Variants in PROX1 observed in about 807,000 individuals in gnomAD.
PROX1 encodes the protein prospero homeobox 1.
A neutral mutation model predicts 58.8 loss-of-function variants in PROX1; 7 were observed. That is an observed-to-expected ratio of 0.12 (90% CI 0.07 to 0.22). PROX1 has a LOEUF of 0.22. Among genes scored for constraint, PROX1 ranks in the 10% least tolerant of loss-of-function variants. PROX1 has a pLI of 1.00. For synonymous variants in PROX1, 350 were observed against 358.3 expected, an observed-to-expected ratio of 0.98 and a Z score of 0.26; for missense variants, 675 against 927.8, an observed-to-expected ratio of 0.73 and a Z score of 3.54.
At chr1:214,019,356 A>G (rs74640849) in intron 4 of PROX1, among the ~76,000 whole-genome samples, 3,708 of 152,210 alleles carry the variant, frequency 0.024, 47 homozygotes, top group African/African-American at 0.036. Context: ...GTTCTGGGAA[A>G]TTTGTGCCCT....
In PROX1 at chr1:214,036,068, CAT is replaced by C. The variant is rs1354707869; in HGVS notation, c.*235_*236del. On this transcript the variant is annotated 3_prime_UTR_variant, in exon 5 of 5. Coordinates refer to ENST00000366958, the MANE Select transcript of PROX1 (RefSeq NM_001270616.2). ...GTTTGCTTTTGCCCAAGGCCCTTAA[CAT>C]TTGGACACTTAAAATAGGGTTAATT... The C allele has an allele frequency of 5.9e-6, 2 of 339,530 alleles. No homozygotes were observed. Among genetic ancestry groups the C allele is most frequent in the Non-Finnish European group, 1.1e-5 (2 of 188,818 alleles). 21.0% of individuals were successfully genotyped at this position (339,530 alleles called of 1,614,324 possible).
intron 4 of PROX1, among the ~76,000 whole-genome samples, chr1:214,015,155 T>A (rs1013658908): frequency 2.6e-4 from 39 of 152,160 alleles, no homozygotes; most frequent in Non-Finnish European, 4.1e-4. Context: ...CCAAGGGATG[T>A]GGAAGAAGAC....
At chr1:214,028,372 G>A (rs1664530333) in intron 4 of PROX1, among the ~76,000 whole-genome samples, 1 of 152,108 alleles carries the variant, frequency 6.6e-6, no homozygotes, top group African/African-American at 2.4e-5. Context: ...TTTTAAAACT[G>A]ACCTTCCCAG....
At chr1:213,991,257 A>G (rs1370159030) in intron 1 of PROX1, among the ~76,000 whole-genome samples, 1 of 152,208 alleles carries the variant, frequency 6.6e-6, no homozygotes, top group East Asian at 1.9e-4. Flanking sequence ...TTTTAAAATT[A>G]TCTTTAAACA....
At chr1:214,002,571 G>A (rs1291986652) in intron 2 of PROX1, among the ~76,000 whole-genome samples, 5 of 151,934 alleles carry the variant, frequency 3.3e-5, no homozygotes, top group South Asian at 2.1e-4. Flanking sequence ...TCTTGTTTGC[G>A]TTCCATCCCC....
At chr1:214,028,215 C>A (rs570069616) in intron 4 of PROX1, among the ~76,000 whole-genome samples, 23 of 152,260 alleles carry the variant, frequency 1.5e-4, no homozygotes, top group Non-Finnish European at 2.6e-4. Flanking sequence ...ACAGCCAGTG[C>A]TCCTGGATCC....
Position 213,997,179 on chromosome 1 carries a change from A to G in PROX1, c.644A>G (p.Gln215Arg). Residue 215 changes from glutamine to arginine, a missense_variant, in exon 2 of 5, where the codon CAG (glutamine) becomes CGG (arginine). Physicochemically the swap from Gln to Arg is conservative, Grantham distance 43. Transcript: ENST00000366958. This position sits in a 1 kb window ranked among gnomAD's most constrained non-coding sequence, Gnocchi z 7.1. ...AACAAACGCAAGCAAAAGCTTCCCC[A>G]GCAGCAGCAACAGAGTTTCCAGCAG... Reference protein sequence around the residue: ...RENKRKQKLPQQQQQSFQQLV... With the variant: ...RENKRKQKLPRQQQQSFQQLV... The G allele has an allele frequency of 6.2e-7, 1 of 1,613,638 alleles. No individual in the cohort carries two copies. Among genetic ancestry groups the G allele is most frequent in the Non-Finnish European group, 8.5e-7 (1 of 1,179,866 alleles).
Position 213,997,849 on chromosome 1 carries a change from A to G in PROX1, c.1314A>G (p.Ala438=). ...CCAGTTCCACTGACCAGACAGAAGC[A>G]CTGCCCCTGGTTGTCCGCAAAAACT... ...QMASSTDQTE[A]LPLVVRKNSS... is the part of the protein sequence containing the mutation. The change falls in exon 2 of 5, where the codon GCA becomes GCG. Residue 438 remains alanine, a synonymous_variant. Coordinates refer to ENST00000366958, the MANE Select transcript of PROX1 (RefSeq NM_001270616.2). The surrounding 1 kb of genome is among the most constrained non-coding windows in gnomAD (Gnocchi z 7.1). The G allele has an allele frequency of 6.2e-7, 1 of 1,614,016 alleles. No homozygotes were observed. The highest frequency in any genetic ancestry group is 8.5e-7 in the Non-Finnish European group (1 of 1,179,930).
In PROX1 at chr1:214,040,480, T is replaced by C. The variant is rs1007510382; in HGVS notation, c.*4646T>C. 1 of 152,158 alleles carries C rather than the reference T, an allele frequency of 6.6e-6. No homozygotes were observed. The highest frequency in any genetic ancestry group is 1.5e-5 in the Non-Finnish European group (1 of 68,006). The allele number at this position is 152,158 out of a possible 1,614,324, so 9.4% of individuals were successfully genotyped here. A position where few individuals can be genotyped will look rare whatever the true frequency, so the allele number is the denominator to read the frequency against. ...TTCCCCTAAAAATGGGGAGAAAATA[T>C]TTTAAAATTGTATATTACGACTTCA... On this transcript the variant is annotated 3_prime_UTR_variant, in exon 5 of 5. Coordinates refer to ENST00000366958, the MANE Select transcript of PROX1 (RefSeq NM_001270616.2).
intron 4 of PROX1, among the ~76,000 whole-genome samples, chr1:214,034,098 CT>C (rs1664752038): frequency 3.9e-5 from 6 of 152,166 alleles, no homozygotes; most frequent in Admixed American, 3.9e-4. Context: ...AAAGGAGTCC[CT>C]TTCATTTTTT....
chr1:214,005,100 G>C, intron 2 of PROX1, 65 bp from the exon 3 acceptor site: 1 of 1,293,278 alleles, frequency 7.7e-7, no homozygotes, highest in South Asian at 1.2e-5. Context: ...GGTGGGGACT[G>C]GAGGGAGGGA....
chr1:213,994,090 G>T (rs917484817), intron 1 of PROX1, among the ~76,000 whole-genome samples: 1 of 152,170 alleles, frequency 6.6e-6, no homozygotes, highest in African/African-American at 2.4e-5. Flanking sequence ...TGCAGTTGAC[G>T]CAGAGGTAAA....
At chr1:214,008,285 C>A (rs954943183) in intron 3 of PROX1, among the ~76,000 whole-genome samples, 1 of 152,062 alleles carries the variant, frequency 6.6e-6, no homozygotes, top group African/African-American at 2.4e-5. Context: ...GAACTCCTGA[C>A]CTCAAATGAT....
intron 2 of PROX1, among the ~76,000 whole-genome samples, chr1:214,000,233 A>G (rs1663450030): frequency 6.6e-6 from 1 of 152,202 alleles, no homozygotes; most frequent in Non-Finnish European, 1.5e-5. Context: ...CCAGATCATT[A>G]TAATTATGGC....
At chr1:213,994,797 ATATAT>A (rs1663192710) in intron 1 of PROX1, among the ~76,000 whole-genome samples, 6 of 104,828 alleles carry the variant, frequency 5.7e-5, no homozygotes, top group African/African-American at 2.1e-4. Context: ...ATATATATAT[ATATAT>A]AAAGAGGTAT....
chr1:214,004,811 G>A (rs1031249107), intron 2 of PROX1, among the ~76,000 whole-genome samples: 5 of 152,154 alleles, frequency 3.3e-5, no homozygotes, highest in African/African-American at 4.8e-5. Flanking sequence ...CTTATGACAA[G>A]AGTTGTGTAG....
chr1:214,039,528 A>G lies in PROX1; in HGVS notation c.*3694A>G, dbSNP rs555478122. ...TAAAGCAATGTAAATATTTAACCTCATGGCTGTCATTATGTAAGACATGAG... is the reference window on the plus strand; with the variant it reads ...TAAAGCAATGTAAATATTTAACCTCGTGGCTGTCATTATGTAAGACATGAG... On this transcript the variant is annotated 3_prime_UTR_variant, in exon 5 of 5. Coordinates refer to ENST00000366958, the MANE Select transcript of PROX1 (RefSeq NM_001270616.2). 1.3e-5 allele frequency: 2 copies of G among 152,230 alleles called. No homozygotes were observed. The highest frequency in any genetic ancestry group is 4.1e-4 in the South Asian group (2 of 4,830). 9.4% of individuals were successfully genotyped at this position (152,230 alleles called of 1,614,324 possible).
At chr1:213,994,797 A>C (rs1161446005) in intron 1 of PROX1, among the ~76,000 whole-genome samples, 8 of 104,844 alleles carry the variant, frequency 7.6e-5, no homozygotes, top group African/African-American at 2.8e-4. Flanking sequence ...ATATATATAT[A>C]TATATAAAGA....
At chr1:214,015,428 A>T (rs1268726990) in intron 4 of PROX1, among the ~76,000 whole-genome samples, 4 of 152,088 alleles carry the variant, frequency 2.6e-5, no homozygotes, top group Admixed American at 1.3e-4. Context: ...TCCAAAAAAA[A>T]TTTTATGGGC....
Sources: gnomAD v4.1 joint callset for allele counts (sites outside exome capture counted in the v4.1 genomes callset) on GRCh38, gnomAD v4.1.1 for gene constraint, Gnocchi (gnomAD v3.1) non-coding constraint, MANE v1.5 for transcripts, NCBI Gene and HGNC (gene_info 2026-07-23, HGNC 2026-07-21) for gene names.